Variants in CISD2 observed in about 807,000 individuals in gnomAD.
CISD2 encodes the protein CDGSH iron sulfur domain 2, also known as CDGSH iron-sulfur domain-containing protein 2.
Under a neutral mutation model 12.9 loss-of-function variants are expected in CISD2, and 1 was observed. The ratio of observed to expected loss-of-function variants is 0.08; its 90% CI spans 0.03 to 0.37. CISD2 has a LOEUF of 0.37. Ranked by LOEUF, CISD2 falls within the 10% of genes least tolerant of loss-of-function variation. The probability of loss-of-function intolerance (pLI) is 0.99; values close to 1 mark genes in which losing one functional copy is unlikely to be tolerated. For synonymous variants in CISD2, 50 were observed against 60.6 expected, an observed-to-expected ratio of 0.83 and a Z score of 0.81; for missense variants, 97 against 163.1, an observed-to-expected ratio of 0.59 and a Z score of 2.21.
At chr4:102,879,979 G>A (rs1733677611) in intron 1 of CISD2, among the ~76,000 whole-genome samples, 1 of 151,186 alleles carries the variant, frequency 6.6e-6, no homozygotes, top group Non-Finnish European at 1.5e-5. Context: ...TCTCTTCTCT[G>A]TCTCCCAGGC....
chr4:102,873,048 G>A (rs1442210435), intron 1 of CISD2, among the ~76,000 whole-genome samples: 1 of 152,114 alleles, frequency 6.6e-6, no homozygotes, highest in African/African-American at 2.4e-5. Context: ...GAGCAAAGGA[G>A]GAAGAGCCCC....
chr4:102,869,951 T>C (rs1733386783), intron 1 of CISD2, among the ~76,000 whole-genome samples: 1 of 152,088 alleles, frequency 6.6e-6, no homozygotes, highest in African/African-American at 2.4e-5. Flanking sequence ...AGGATGAAAA[T>C]CTCCAGAATG....
intron 1 of CISD2, among the ~76,000 whole-genome samples, chr4:102,871,413 A>G (rs952256740): frequency 6.6e-6 from 1 of 152,220 alleles, no homozygotes; most frequent in Non-Finnish European, 1.5e-5. Context: ...CATTCTGAGA[A>G]GTATTTTAAT....
rs1211461318 is a variant in CISD2 at position 102,890,996 on chromosome 4, T to C, written c.*3566T>C. 6.6e-6 allele frequency: 1 copy of C among 151,016 alleles called. No homozygotes were observed. Among genetic ancestry groups the C allele is most frequent in the Non-Finnish European group, 1.5e-5 (1 of 68,006 alleles). 9.4% of individuals were successfully genotyped at this position (151,016 alleles called of 1,614,324 possible). A position where few individuals can be genotyped will look rare whatever the true frequency, so the allele number is the denominator to read the frequency against. On this transcript the variant is annotated 3_prime_UTR_variant, in exon 3 of 3. Coordinates refer to ENST00000273986, the MANE Select transcript of CISD2 (RefSeq NM_001008388.5). ...AGCAGGGGTGAATTAAAGACCACTT[T>C]GAAGGCTGGGAAAAGCAGATAATTT... is the stretch of plus-strand genomic sequence containing the variant.
intron 1 of CISD2, among the ~76,000 whole-genome samples, chr4:102,871,333 AATAT>A (rs1252233159): frequency 6.6e-6 from 1 of 152,206 alleles, no homozygotes; most frequent in Non-Finnish European, 1.5e-5. Context: ...CTCTCTTAAG[AATAT>A]ATAGTAACTT....
rs1734177389 is a variant in CISD2 at position 102,890,348 on chromosome 4, G to C, written c.*2918G>C. The C allele has an allele frequency of 1.3e-5, 2 of 152,200 alleles. No homozygotes were observed. Among genetic ancestry groups the C allele is most frequent in the South Asian group, 4.1e-4 (2 of 4,832 alleles). 9.4% of individuals were successfully genotyped at this position (152,200 alleles called of 1,614,324 possible). ...GTCTTCCAATAGAAATGTGCTGTCA[G>C]AATCTGTATAGAGAGTTTGTAAATG... On this transcript the variant is annotated 3_prime_UTR_variant, in exon 3 of 3. Coordinates refer to ENST00000273986, the MANE Select transcript of CISD2 (RefSeq NM_001008388.5).
chr4:102,888,168 A>G lies in CISD2; in HGVS notation c.*738A>G, dbSNP rs917577358. On this transcript the variant is annotated 3_prime_UTR_variant, in exon 3 of 3. Transcript: ENST00000273986. ...CATGGGCTGCTGCAATTTGAAGATA[A>G]TTGGTAATAAACATAAGACATTAAT... The G allele has an allele frequency of 1.3e-5, 2 of 152,130 alleles. No homozygotes were observed. The highest frequency in any genetic ancestry group is 4.8e-5 in the African/African-American group (2 of 41,426). 9.4% of individuals were successfully genotyped at this position (152,130 alleles called of 1,614,324 possible). A position where few individuals can be genotyped will look rare whatever the true frequency, so the allele number is the denominator to read the frequency against.
intron 1 of CISD2, among the ~76,000 whole-genome samples, chr4:102,875,904 C>T (rs535037379): frequency 6.6e-6 from 1 of 152,288 alleles, no homozygotes; most frequent in Admixed American, 6.5e-5. Flanking sequence ...CGCTCAAGTG[C>T]TTGAGCTCCT....
At chr4:102,876,460 A>G (rs1392015107) in intron 1 of CISD2, among the ~76,000 whole-genome samples, 1 of 152,170 alleles carries the variant, frequency 6.6e-6, no homozygotes, top group Non-Finnish European at 1.5e-5. Flanking sequence ...AAAGGTAACT[A>G]CTCAAGAGGC....
chr4:102,879,274 GTAA>G lies in CISD2; in HGVS notation c.104-5937_104-5935del, dbSNP rs547515990. Among the ~76,000 whole-genome samples, 223 of 151,916 alleles carry G rather than the reference GTAA, an allele frequency of 1.5e-3. 2 individuals carry two copies. Among genetic ancestry groups the G allele is most frequent in the African/African-American group, 5.3e-3 (218 of 41,472 alleles). On this transcript the variant is annotated intron_variant, in intron 1 of 2. Coordinates refer to ENST00000273986, the MANE Select transcript of CISD2 (RefSeq NM_001008388.5). ...ATATAGTAAATATTTAATTTTTATA[GTAA>G]TAATTATATAGTAAAAATTTGTTTA... is the stretch of plus-strand genomic sequence containing the variant.
chr4:102,873,109 C>T (rs1486228038), intron 1 of CISD2, among the ~76,000 whole-genome samples: 1 of 152,140 alleles, frequency 6.6e-6, no homozygotes, highest in East Asian at 1.9e-4. Context: ...ACCAGAACAG[C>T]ATGGGGGATA....
intron 1 of CISD2, among the ~76,000 whole-genome samples, chr4:102,876,297 C>T (rs540120583): frequency 6.6e-6 from 1 of 152,234 alleles, no homozygotes; most frequent in South Asian, 2.1e-4. Context: ...GGATTTATAC[C>T]ACAGATAAAC....
chr4:102,882,702 T>G (rs188818456), intron 1 of CISD2: 256 of 152,666 alleles, frequency 1.7e-3, no homozygotes, highest in Non-Finnish European at 1.1e-3. Flanking sequence ...TACATTTTAC[T>G]TAATTTTAAT....
chr4:102,878,423 C>T (rs775380059), intron 1 of CISD2, among the ~76,000 whole-genome samples: 1 of 152,200 alleles, frequency 6.6e-6, no homozygotes, highest in Non-Finnish European at 1.5e-5. Flanking sequence ...GCCACCAGCA[C>T]CCAGCTGGGT....
chr4:102,886,541 A>G (rs577144571), intron 2 of CISD2, among the ~76,000 whole-genome samples: 2 of 152,240 alleles, frequency 1.3e-5, no homozygotes, highest in South Asian at 4.1e-4. Flanking sequence ...GAAAAAATAT[A>G]CCAAACTGTT....
At chr4:102,881,303 A>T (rs1733715201) in intron 1 of CISD2, among the ~76,000 whole-genome samples, 1 of 152,308 alleles carries the variant, frequency 6.6e-6, no homozygotes, top group Non-Finnish European at 1.5e-5. Flanking sequence ...GAGAGAATGA[A>T]GAGAGGTTGG....
chr4:102,882,064 C>T (rs1324757220), intron 1 of CISD2, among the ~76,000 whole-genome samples: 1 of 152,042 alleles, frequency 6.6e-6, no homozygotes, highest in African/African-American at 2.4e-5. Context: ...TTGTGGTGTG[C>T]TCCTGCAGTT....
intron 1 of CISD2, among the ~76,000 whole-genome samples, chr4:102,871,323 C>A (rs1379888653): frequency 6.6e-6 from 1 of 152,102 alleles, no homozygotes; most frequent in Non-Finnish European, 1.5e-5. Flanking sequence ...AAAACCTTTT[C>A]TCTCTTAAGA....
chr4:102,869,955 C>T (rs1733387117), intron 1 of CISD2, among the ~76,000 whole-genome samples: 1 of 152,156 alleles, frequency 6.6e-6, no homozygotes, highest in Non-Finnish European at 1.5e-5. Flanking sequence ...TGAAAATCTC[C>T]AGAATGCAGT....
Sources: allele counts gnomAD v4.1 joint callset (sites outside exome capture counted in the v4.1 genomes callset), GRCh38; gene constraint gnomAD v4.1.1; transcripts MANE v1.5; gene names NCBI Gene and HGNC (gene_info 2026-07-23, HGNC 2026-07-21).